Variants in WDR70 observed in about 807,000 individuals in gnomAD.
The protein encoded by WDR70 is WD repeat domain 70, also known as WD repeat-containing protein 70.
Under a neutral mutation model 88.6 loss-of-function variants are expected in WDR70, and 53 were observed. The ratio of observed to expected loss-of-function variants is 0.60; its 90% CI spans 0.48 to 0.75. The LOEUF (loss-of-function observed/expected upper bound fraction) is 0.75. Among genes scored for constraint, WDR70 ranks in the 30% least tolerant of loss-of-function variants. The probability of loss-of-function intolerance (pLI) is 0.00; values close to 1 mark genes in which losing one functional copy is unlikely to be tolerated. For synonymous variants in WDR70, 280 were observed against 270.0 expected (o/e 1.04, Z -0.36); for missense variants, 610 against 823.2 (o/e 0.74, Z 3.17).
intron 9 of WDR70, among the ~76,000 whole-genome samples, chr5:37,564,823 A>G (rs1742691121): frequency 6.6e-6 from 1 of 152,190 alleles, no homozygotes; most frequent in South Asian, 2.1e-4. Flanking sequence ...TGCAGTTTTC[A>G]CTTACAGCCT....
chr5:37,737,849 T>C (rs1748345013), intron 17 of WDR70, among the ~76,000 whole-genome samples: 1 of 152,138 alleles, frequency 6.6e-6, no homozygotes, highest in South Asian at 2.1e-4. Context: ...GTAGGTCTCA[T>C]GTATGTTCTT....
intron 9 of WDR70, among the ~76,000 whole-genome samples, chr5:37,517,220 A>G (rs1484687427): frequency 6.6e-6 from 1 of 152,204 alleles, no homozygotes; most frequent in African/African-American, 2.4e-5. Flanking sequence ...GCTTATTTCC[A>G]TCTGAGTCTA....
In WDR70 at chr5:37,726,826, C is replaced by A. The variant is rs1022566570; in HGVS notation, c.1715-57C>A. 8.7e-6 allele frequency: 13 copies of A among 1,500,452 alleles called. No individual in the cohort carries two copies. The Admixed American group carries it at 2.9e-4, about 33-fold the overall frequency. 92.9% of individuals were successfully genotyped at this position (1,500,452 alleles called of 1,614,324 possible). A position where few individuals can be genotyped will look rare whatever the true frequency, so the allele number is the denominator to read the frequency against. Reference sequence around the variant, plus strand: ...GATAAGTACAGTGTACACAGATATACCTATGTATCCTCATGCTCATTCAGT... The same window carrying A: ...GATAAGTACAGTGTACACAGATATAACTATGTATCCTCATGCTCATTCAGT... On this transcript the variant is annotated intron_variant, in intron 16 of 17. Coordinates refer to ENST00000265107, the MANE Select transcript of WDR70 (RefSeq NM_018034.4).
At chr5:37,639,064 C>A (rs892423451) in intron 10 of WDR70, among the ~76,000 whole-genome samples, 1 of 152,154 alleles carries the variant, frequency 6.6e-6, no homozygotes, top group Non-Finnish European at 1.5e-5. Context: ...AGAAGAAATG[C>A]AGAACGTAAA....
intron 8 of WDR70, among the ~76,000 whole-genome samples, chr5:37,482,239 C>T (rs4394151): frequency 0.04 from 6,088 of 152,218 alleles, 436 homozygotes; most frequent in African/African-American, 0.14. Context: ...GGTATCTTTA[C>T]AGCAGCACCC....
At chr5:37,460,869 C>T (rs1445821848) in intron 7 of WDR70, among the ~76,000 whole-genome samples, 1 of 151,758 alleles carries the variant, frequency 6.6e-6, no homozygotes, top group South Asian at 2.1e-4. Context: ...TATAGTTTCT[C>T]AGTGTATGAT....
chr5:37,675,017 T>C (rs1369167695), intron 10 of WDR70, among the ~76,000 whole-genome samples: 2 of 151,670 alleles, frequency 1.3e-5, no homozygotes, highest in Non-Finnish European at 2.9e-5. Context: ...GTTTTTTGGC[T>C]GCATAAATGT....
intron 9 of WDR70, among the ~76,000 whole-genome samples, chr5:37,570,906 C>T (rs1742881795): frequency 6.6e-6 from 1 of 152,010 alleles, no homozygotes; most frequent in Non-Finnish European, 1.5e-5. Flanking sequence ...ATTTTCTTGC[C>T]CTAGTTTGAT....
chr5:37,715,061 CT>C (rs1348811532), intron 13 of WDR70, among the ~76,000 whole-genome samples: 6 of 152,036 alleles, frequency 3.9e-5, no homozygotes, highest in African/African-American at 1.4e-4. Context: ...ATAGCACAGA[CT>C]GTAAATGAGT....
At chr5:37,485,794 C>T (rs9716978) in intron 8 of WDR70, among the ~76,000 whole-genome samples, 89,794 of 150,576 alleles carry the variant, frequency 0.6, 28,179 homozygotes, top group Non-Finnish European at 0.69. Flanking sequence ...TGGGTTCAAG[C>T]GATTCCCCTG....
intron 7 of WDR70, among the ~76,000 whole-genome samples, 159 bp downstream of exon 7, chr5:37,443,531 C>T (rs1464699832): frequency 2.0e-5 from 3 of 152,176 alleles, no homozygotes; most frequent in Non-Finnish European, 4.4e-5. Context: ...TGAAGTAAAA[C>T]GAGCCTTACA....
chr5:37,384,406 C>T (rs375043576), intron 3 of WDR70, among the ~76,000 whole-genome samples: 8 of 151,656 alleles, frequency 5.3e-5, no homozygotes, highest in East Asian at 3.9e-4. Context: ...CAGTGGATCA[C>T]GCCTGTAATC....
At chr5:37,418,303 C>T (rs1749824743) in intron 5 of WDR70, among the ~76,000 whole-genome samples, 1 of 150,274 alleles carries the variant, frequency 6.7e-6, no homozygotes, top group African/African-American at 2.5e-5. Flanking sequence ...TTTTATACCC[C>T]CTCTTCAGTG....
At chr5:37,469,960 C>A (rs1435656971) in intron 7 of WDR70, among the ~76,000 whole-genome samples, 1 of 152,106 alleles carries the variant, frequency 6.6e-6, no homozygotes, top group East Asian at 1.9e-4. Flanking sequence ...AACGAACATT[C>A]TTCTTCCTTT....
chr5:37,575,587 G>C (rs1363351889), intron 9 of WDR70, among the ~76,000 whole-genome samples: 1 of 152,162 alleles, frequency 6.6e-6, no homozygotes, highest in Non-Finnish European at 1.5e-5. Flanking sequence ...TTCCAGTTTG[G>C]TAAATACAAC....
chr5:37,406,053 A>G (rs1039180132), intron 5 of WDR70, among the ~76,000 whole-genome samples: 11 of 152,212 alleles, frequency 7.2e-5, no homozygotes, highest in African/African-American at 2.4e-4. Context: ...AAAAACAAAA[A>G]AGGATTTAAT....
intron 8 of WDR70, among the ~76,000 whole-genome samples, chr5:37,504,041 A>T (rs1274339067): frequency 6.6e-6 from 1 of 152,026 alleles, no homozygotes; most frequent in African/African-American, 2.4e-5. Flanking sequence ...TTTTTCTTAG[A>T]GTTTTACTGT....
chr5:37,485,907 G>T (rs1211644727), intron 8 of WDR70, among the ~76,000 whole-genome samples: 1 of 141,218 alleles, frequency 7.1e-6, no homozygotes, highest in Admixed American at 7.3e-5. Flanking sequence ...TAGAGACGGG[G>T]TTTCACCACG....
Position 37,681,523 on chromosome 5 carries a change from G to A in WDR70, c.1093-16132G>A, listed in dbSNP as rs116984607. 3.4e-4 allele frequency among the ~76,000 whole-genome samples: 51 copies of A among 152,210 alleles called. 1 individual carries two copies. The East Asian group carries it at 9.1e-3, about 27-fold the overall frequency. Reference sequence around the variant, plus strand: ...TCCTGTTTCTGGTTTCAAGATCAATGCATCCAGTTTTCACCCATTCATTAT... The same window carrying A: ...TCCTGTTTCTGGTTTCAAGATCAATACATCCAGTTTTCACCCATTCATTAT... On this transcript the variant is annotated intron_variant, in intron 10 of 17. Coordinates refer to ENST00000265107, the MANE Select transcript of WDR70 (RefSeq NM_018034.4).
Sources: gnomAD v4.1 joint callset for allele counts (sites outside exome capture counted in the v4.1 genomes callset) on GRCh38, gnomAD v4.1.1 for gene constraint, MANE v1.5 for transcripts, NCBI Gene and HGNC (gene_info 2026-07-23, HGNC 2026-07-21) for gene names.